The following SLC2A12 variants were observed in gnomAD, a reference collection of about 807,000 sequenced individuals.
SLC2A12 encodes solute carrier family 2 member 12, also known as solute carrier family 2, facilitated glucose transporter member 12.
In SLC2A12, 23 loss-of-function variants were observed where a neutral mutation model predicts 41.8. The ratio of observed to expected loss-of-function variants is 0.55; its 90% CI spans 0.40 to 0.78. The LOEUF is 0.78. Among genes scored for constraint, SLC2A12 ranks in the 30% least tolerant of loss-of-function variants. The pLI is 0.00. For missense variants in SLC2A12, 654 were observed against 745.6 expected (o/e 0.88, Z 1.43); for synonymous variants, 295 against 285.9 (o/e 1.03, Z -0.32).
At chr6:134,026,246 G>A (rs997715239) in intron 2 of SLC2A12, among the ~76,000 whole-genome samples, 2 of 152,136 alleles carry the variant, frequency 1.3e-5, no homozygotes, top group Admixed American at 1.3e-4. Context: ...TTAGTTTTAT[G>A]TTGAATATAC....
At chr6:134,033,548 G>A (rs1777251635) in intron 1 of SLC2A12, among the ~76,000 whole-genome samples, 1 of 152,092 alleles carries the variant, frequency 6.6e-6, no homozygotes. Context: ...CTGATATTCT[G>A]ATTGGAGAAA....
intron 4 of SLC2A12, among the ~76,000 whole-genome samples, chr6:133,996,144 G>A (rs9493792): frequency 1.4e-4 from 21 of 152,210 alleles, no homozygotes; most frequent in Admixed American, 6.5e-4. Flanking sequence ...GTAGATGCTC[G>A]ATAAATATTT....
intron 1 of SLC2A12, among the ~76,000 whole-genome samples, chr6:134,051,741 A>G (rs1217556578): frequency 3.3e-5 from 5 of 152,200 alleles, no homozygotes; most frequent in Non-Finnish European, 7.4e-5. Context: ...AACAAACCTC[A>G]GTTTGCAAGG....
chr6:134,032,861 AATATATTAC>A (rs1407252225), intron 1 of SLC2A12, among the ~76,000 whole-genome samples: 1 of 142,902 alleles, frequency 7.0e-6, no homozygotes, highest in African/African-American at 2.6e-5. Context: ...ATATTTATAT[AATATATTAC>A]ATATATTATA....
At chr6:134,017,760 A>G (rs1280842266) in intron 2 of SLC2A12, among the ~76,000 whole-genome samples, 1 of 152,154 alleles carries the variant, frequency 6.6e-6, no homozygotes, top group East Asian at 1.9e-4. Context: ...ACGCTGAGGC[A>G]GGAGAATGGC....
chr6:134,032,209 T>C (rs1304916512), intron 1 of SLC2A12, among the ~76,000 whole-genome samples: 1 of 150,834 alleles, frequency 6.6e-6, no homozygotes, highest in African/African-American at 2.4e-5. Context: ...GCCCCAAAAA[T>C]AAGGGGAAAA....
chr6:133,997,093 A>AAG (rs1776705994), intron 4 of SLC2A12, among the ~76,000 whole-genome samples: 1 of 145,318 alleles, frequency 6.9e-6, no homozygotes, highest in Non-Finnish European at 1.5e-5. Flanking sequence ...TACAAAAAAA[A>AAG]AAAAAAAAAA....
chr6:134,019,463 G>T (rs532980175), intron 2 of SLC2A12, among the ~76,000 whole-genome samples: 2 of 152,212 alleles, frequency 1.3e-5, no homozygotes, highest in Admixed American at 1.3e-4. Context: ...TTATTAAAGG[G>T]AGCTGAAGTG....
At chr6:134,027,270 A>G (rs933327853) in intron 2 of SLC2A12, among the ~76,000 whole-genome samples, 1 of 152,214 alleles carries the variant, frequency 6.6e-6, no homozygotes, top group Admixed American at 6.5e-5. Flanking sequence ...AAGCCCCTAC[A>G]TGGCCTTCTT....
At chr6:133,998,375 C>A (rs945318364) in intron 4 of SLC2A12, among the ~76,000 whole-genome samples, 4 of 152,188 alleles carry the variant, frequency 2.6e-5, no homozygotes, top group African/African-American at 9.6e-5. Context: ...AGTTCTTAAT[C>A]TTATACAGAA....
At chr6:134,001,342 T>C (rs1479775026) in intron 4 of SLC2A12, among the ~76,000 whole-genome samples, 3 of 152,106 alleles carry the variant, frequency 2.0e-5, no homozygotes, top group Non-Finnish European at 4.4e-5. Context: ...TTTTAATCAG[T>C]AGCACAGAAG....
intron 4 of SLC2A12, among the ~76,000 whole-genome samples, chr6:133,993,340 A>G (rs532923810): frequency 1.3e-5 from 2 of 152,270 alleles, no homozygotes; most frequent in East Asian, 1.9e-4. Context: ...ACATCTCACA[A>G]TATCTCCAAA....
At chr6:134,000,846 T>G (rs147234226) in intron 4 of SLC2A12, among the ~76,000 whole-genome samples, 5 of 152,360 alleles carry the variant, frequency 3.3e-5, no homozygotes, top group Admixed American at 2.0e-4. Context: ...AAACTTATCT[T>G]TCTTAAAATT....
intron 3 of SLC2A12, among the ~76,000 whole-genome samples, chr6:134,006,193 C>CAAAAAAAAAAAA (rs571711008): frequency 8.2e-6 from 1 of 121,606 alleles, no homozygotes; most frequent in Non-Finnish European, 1.7e-5. Context: ...AAAAAAAAAA[C>CAAAAAAAAAAAA]AAAAAAAAAA....
intron 2 of SLC2A12, among the ~76,000 whole-genome samples, chr6:134,019,520 T>C (rs1480664190): frequency 6.6e-6 from 1 of 152,200 alleles, no homozygotes; most frequent in Non-Finnish European, 1.5e-5. Flanking sequence ...GGTAAGATTT[T>C]GAACATATTT....
intron 1 of SLC2A12, among the ~76,000 whole-genome samples, chr6:134,042,357 C>T (rs1777393567): frequency 6.6e-6 from 1 of 151,986 alleles, no homozygotes; most frequent in African/African-American, 2.4e-5. Context: ...CCTGAATGGC[C>T]ACCTGAACAC....
At chr6:134,014,629 T>C (rs1323755640) in intron 2 of SLC2A12, among the ~76,000 whole-genome samples, 3 of 152,220 alleles carry the variant, frequency 2.0e-5, no homozygotes, top group Admixed American at 6.5e-5. Context: ...TCCTTAACAC[T>C]GAGTCATGGA....
intron 2 of SLC2A12, among the ~76,000 whole-genome samples, chr6:134,024,293 G>A (rs1777084931): frequency 6.6e-6 from 1 of 152,172 alleles, no homozygotes; most frequent in African/African-American, 2.4e-5. Context: ...GCTTCCCTCT[G>A]CTTTGAGTCC....
intron 3 of SLC2A12, among the ~76,000 whole-genome samples, chr6:134,004,898 C>G (rs762915857): frequency 6.6e-6 from 1 of 152,120 alleles, no homozygotes; most frequent in African/African-American, 2.4e-5. Flanking sequence ...TGACAAACAG[C>G]GAGACAACCA....
Sources: allele counts gnomAD v4.1 joint callset (sites outside exome capture counted in the v4.1 genomes callset), GRCh38; gene constraint gnomAD v4.1.1; transcripts MANE v1.5; gene names NCBI Gene and HGNC (gene_info 2026-07-23, HGNC 2026-07-21).